Variants in EYS observed in about 807,000 individuals in gnomAD.
EYS encodes the protein protein eyes shut homolog.
EYS carries 250 observed loss-of-function variants against 282.1 expected under a neutral mutation model. The observed-to-expected ratio is 0.89, with a 90% confidence interval of 0.80 to 0.98. The LOEUF is 0.98. Among genes scored for constraint, EYS ranks in the 50% least tolerant of loss-of-function variants. The pLI, the probability that EYS is intolerant of heterozygous loss-of-function variation, is 0.00. For missense variants in EYS, 4,016 were observed against 3,709.0 expected (o/e 1.08, Z -2.15); for synonymous variants, 1,355 against 1,282.9 (o/e 1.06, Z -1.20).
Position 64,471,816 on chromosome 6 carries a change from C to T in EYS, c.5645-32464G>A, listed in dbSNP as rs148222272. Among the ~76,000 whole-genome samples the T allele has an allele frequency of 1.9e-3, 295 of 152,240 alleles. 1 individual carries two copies. The highest frequency in any genetic ancestry group is 6.5e-3 in the African/African-American group (271 of 41,556). On this transcript the variant is annotated intron_variant, in intron 26 of 42. Coordinates refer to ENST00000503581, the MANE Select transcript of EYS (RefSeq NM_001142800.2). ...AAAGAACAAAGCTGGAAGCATCACA[C>T]TCTTTGATGGGGGAGATGAAGAGAG...
chr6:64,947,188 A>G (rs1434625780), intron 14 of EYS, among the ~76,000 whole-genome samples: 1 of 151,890 alleles, frequency 6.6e-6, no homozygotes, highest in East Asian at 1.9e-4. Context: ...GATATGACCA[A>G]TAATTTAAAG....
chr6:64,492,260 T>C (rs752934973), intron 26 of EYS, among the ~76,000 whole-genome samples: 33 of 151,320 alleles, frequency 2.2e-4, no homozygotes, highest in Admixed American at 6.0e-4. Context: ...ATGTCTGAAG[T>C]CCATGTATTC....
intron 28 of EYS, among the ~76,000 whole-genome samples, chr6:64,419,301 C>T (rs924743484): frequency 2.0e-5 from 3 of 152,168 alleles, no homozygotes; most frequent in African/African-American, 4.8e-5. Context: ...ATGGGGTTCC[C>T]TCCACCAAGT....
intron 34 of EYS, among the ~76,000 whole-genome samples, chr6:63,989,572 A>T (rs1767518618): frequency 3.3e-5 from 5 of 151,530 alleles, no homozygotes; most frequent in Admixed American, 3.3e-4. Flanking sequence ...TATTTTTAGG[A>T]CAGAGCCTTC....
intron 22 of EYS, among the ~76,000 whole-genome samples, chr6:64,645,030 C>G (rs971526967): frequency 6.6e-6 from 1 of 152,186 alleles, no homozygotes; most frequent in Non-Finnish European, 1.5e-5. Flanking sequence ...GAAATAATCA[C>G]TTACCAATTC....
chr6:64,547,067 C>T (rs1047163100), intron 26 of EYS, among the ~76,000 whole-genome samples: 3 of 152,108 alleles, frequency 2.0e-5, no homozygotes, highest in African/African-American at 4.8e-5. Context: ...GAATTTCTTC[C>T]TTCTGGTGGG....
intron 26 of EYS, among the ~76,000 whole-genome samples, chr6:64,470,759 CT>C (rs1195547850): frequency 6.6e-6 from 1 of 151,990 alleles, no homozygotes; most frequent in Non-Finnish European, 1.5e-5. Context: ...GAAGATAAGT[CT>C]TTTATGCTAA....
chr6:64,368,669 A>G (rs1355892967), intron 29 of EYS, among the ~76,000 whole-genome samples: 2 of 151,986 alleles, frequency 1.3e-5, no homozygotes, highest in African/African-American at 4.8e-5. Flanking sequence ...AGTGATTTTG[A>G]GCATTTTTCA....
chr6:63,770,905 C>T (rs1375113816), intron 40 of EYS, among the ~76,000 whole-genome samples: 1 of 152,144 alleles, frequency 6.6e-6, no homozygotes, highest in Non-Finnish European at 1.5e-5. Flanking sequence ...ATCACTCCAC[C>T]TGCTGACATT....
intron 12 of EYS, among the ~76,000 whole-genome samples, chr6:65,093,331 A>G (rs1225139861): frequency 1.3e-5 from 2 of 152,020 alleles, no homozygotes; most frequent in Non-Finnish European, 2.9e-5. Flanking sequence ...AAATGAAAGT[A>G]TAAAACTTAA....
At chr6:64,490,053 T>G (rs948340713) in intron 26 of EYS, among the ~76,000 whole-genome samples, 13 of 150,996 alleles carry the variant, frequency 8.6e-5, no homozygotes, top group African/African-American at 3.1e-4. Context: ...ATGATTAGAA[T>G]GTTTATTCAT....
At chr6:63,850,626 G>A (rs951601310) in intron 36 of EYS, among the ~76,000 whole-genome samples, 1 of 152,170 alleles carries the variant, frequency 6.6e-6, no homozygotes, top group African/African-American at 2.4e-5. Context: ...AGCAAATGTT[G>A]AGGGATTTTG....
chr6:64,622,115 G>A (rs921330365), intron 23 of EYS, among the ~76,000 whole-genome samples: 2 of 152,144 alleles, frequency 1.3e-5, no homozygotes, highest in Non-Finnish European at 2.9e-5. Flanking sequence ...CCTAAATGAT[G>A]TTCAGGATGT....
chr6:64,924,186 T>G (rs547117197), intron 15 of EYS, among the ~76,000 whole-genome samples: 2 of 152,294 alleles, frequency 1.3e-5, no homozygotes, highest in East Asian at 1.9e-4. Flanking sequence ...TTGACTTCTG[T>G]GCCCCCAGAG....
chr6:65,419,357 T>G (rs1767366121), intron 5 of EYS, among the ~76,000 whole-genome samples: 1 of 151,916 alleles, frequency 6.6e-6, no homozygotes, highest in African/African-American at 2.4e-5. Flanking sequence ...TTAACAATTC[T>G]GTTCTAGTAG....
chr6:63,742,890 T>C (rs1346852244), intron 41 of EYS, among the ~76,000 whole-genome samples: 1 of 152,220 alleles, frequency 6.6e-6, no homozygotes, highest in African/African-American at 2.4e-5. Flanking sequence ...ATTTGGGTAG[T>C]TTTTAGGATT....
In EYS at chr6:65,405,201, A is replaced by T; in HGVS notation, c.1029T>A (p.Asn343Lys). 6.2e-7 allele frequency: 1 copy of T among 1,613,134 alleles called. No homozygotes were observed. The highest frequency in any genetic ancestry group is 8.5e-7 in the Non-Finnish European group (1 of 1,179,368). ...TTGATATTTTGATGCAGTCAGTACC[A>T]TTCTGACATGGTACTAATGAAAACT... is the stretch of plus-strand genomic sequence containing the variant. ...VSEFSLVPCQNGTDCIKISND... is the reference protein window; with the variant it reads ...VSEFSLVPCQKGTDCIKISND... The change falls in exon 6 of 43, where the codon AAT (asparagine) becomes AAA (lysine). Residue 343 changes from asparagine to lysine, a missense_variant. Asn to Lys is a moderately conservative substitution (Grantham distance 94). Transcript: ENST00000503581.
At chr6:64,818,452 GAC>G (rs1310720192) in intron 21 of EYS, among the ~76,000 whole-genome samples, 2 of 152,112 alleles carry the variant, frequency 1.3e-5, no homozygotes, top group African/African-American at 4.8e-5. Flanking sequence ...AAGGAGTACT[GAC>G]TCACACTATC....
intron 22 of EYS, among the ~76,000 whole-genome samples, chr6:64,670,451 A>G (rs1769414400): frequency 6.6e-6 from 1 of 151,402 alleles, no homozygotes; most frequent in Non-Finnish European, 1.5e-5. Context: ...ATAAATGAAA[A>G]AAAAACGTTA....
Sources: allele counts gnomAD v4.1 joint callset (sites outside exome capture counted in the v4.1 genomes callset), GRCh38; gene constraint gnomAD v4.1.1; transcripts MANE v1.5; gene names NCBI Gene and HGNC (gene_info 2026-07-23, HGNC 2026-07-21).